The following PKHD1 variants were observed in gnomAD, a reference collection of about 807,000 sequenced individuals.
The protein encoded by PKHD1 is PKHD1 ciliary IPT domain containing fibrocystin/polyductin, also known as fibrocystin.
In PKHD1, 291 loss-of-function variants were observed where a neutral mutation model predicts 412.0. The observed-to-expected ratio is 0.71, with a 90% CI of 0.64 to 0.78. The LOEUF (loss-of-function observed/expected upper bound fraction) is 0.78, where lower values mean the gene tolerates loss of function less well. Among genes scored for constraint, PKHD1 ranks in the 30% least tolerant of loss-of-function variants. The pLI is 0.00. For synonymous variants in PKHD1, 1,777 were observed against 1,821.5 expected (o/e 0.98, Z 0.62); for missense variants, 4,825 against 4,950.7 (o/e 0.97, Z 0.76).
At chr6:51,772,554 A>T (rs1790325802) in intron 55 of PKHD1, 148 bp downstream of exon 55, 2 of 514,076 alleles carry the variant, frequency 3.9e-6, no homozygotes, top group Non-Finnish European at 6.9e-6. Flanking sequence ...TATTTTTTAA[A>T]TTCCCTATAA....
At position 51,825,095 on chromosome 6, in the gene PKHD1, C is replaced by T. The variant is rs1767098355; in HGVS notation, c.8302+5766G>A. On this transcript the variant is annotated intron_variant, in intron 52 of 66. Transcript: ENST00000371117. Reference sequence around the variant, plus strand: ...GTCTGTCCAGACAGGGAAGACAGCACAAATTTAGCAGGCTCTAAAGCACTT... The same window carrying T: ...GTCTGTCCAGACAGGGAAGACAGCATAAATTTAGCAGGCTCTAAAGCACTT... Among the ~76,000 whole-genome samples, 3 of 152,326 alleles carry T rather than the reference C, an allele frequency of 2.0e-5. No individual in the cohort carries two copies. The South Asian group carries it at 6.2e-4, about 32-fold the overall frequency.
chr6:51,790,186 G>A (rs1793520875), intron 53 of PKHD1, among the ~76,000 whole-genome samples: 2 of 152,072 alleles, frequency 1.3e-5, no homozygotes. Flanking sequence ...AATAAGATAT[G>A]ATTTTTTTCT....
At chr6:51,977,859 A>G (rs1794658933) in intron 35 of PKHD1, among the ~76,000 whole-genome samples, 1 of 152,150 alleles carries the variant, frequency 6.6e-6, no homozygotes, top group African/African-American at 2.4e-5. Flanking sequence ...GCTACATGTC[A>G]CCTCTGGAGA....
intron 20 of PKHD1, 56 bp from the exon 21 acceptor site, chr6:52,053,307 C>T (rs575483083): frequency 1.3e-5 from 21 of 1,568,248 alleles, no homozygotes; most frequent in African/African-American, 1.1e-4. Flanking sequence ...CAGTCCTCTC[C>T]GGTTAGAGCC....
At chr6:51,961,758 G>A (rs1792078735) in intron 35 of PKHD1, among the ~76,000 whole-genome samples, 1 of 152,094 alleles carries the variant, frequency 6.6e-6, no homozygotes, top group Non-Finnish European at 1.5e-5. Context: ...TATCTGTAGT[G>A]TCAGCTGCGA....
At chr6:51,825,663 G>A (rs548248787) in intron 52 of PKHD1, among the ~76,000 whole-genome samples, 23 of 151,994 alleles carry the variant, frequency 1.5e-4, no homozygotes, top group African/African-American at 5.1e-4. Context: ...AGAACACCTC[G>A]GCCTCGCCTT....
rs187520781 is a variant in PKHD1, at chr6:52,027,086, C to G, written c.3628+743G>C. 1.5e-4 allele frequency among the ~76,000 whole-genome samples: 23 copies of G among 152,312 alleles called. No individual in the cohort carries two copies. The East Asian group carries it at 4.2e-3, about 28-fold the overall frequency. ...ATTTCTGAGTCTTTCATCTGTCTCT[C>G]TCATGGAAAGTGAAGACCCGCAGAT... On this transcript the variant is annotated intron_variant, in intron 31 of 66. Coordinates refer to ENST00000371117, the MANE Select transcript of PKHD1 (RefSeq NM_138694.4).
intron 36 of PKHD1, among the ~76,000 whole-genome samples, chr6:51,951,089 CAG>C (rs1393551405): frequency 2.0e-5 from 3 of 152,176 alleles, no homozygotes; most frequent in Admixed American, 6.5e-5. Context: ...GCAAACTACA[CAG>C]AAATATTTAA....
chr6:51,728,044 A>G (rs1473079483), intron 60 of PKHD1, among the ~76,000 whole-genome samples: 2 of 152,186 alleles, frequency 1.3e-5, no homozygotes, highest in East Asian at 3.9e-4. Flanking sequence ...CAATACTCCC[A>G]TGCCTTATGC....
At chr6:51,620,669 T>C (rs1333040812) in intron 66 of PKHD1, among the ~76,000 whole-genome samples, 3 of 151,730 alleles carry the variant, frequency 2.0e-5, no homozygotes, top group Admixed American at 2.0e-4. Context: ...TAGGAGATAG[T>C]AATCCTGTCT....
intron 22 of PKHD1, 106 bp downstream of exon 22, chr6:52,050,051 A>T (rs1806536098): frequency 1.9e-6 from 2 of 1,053,358 alleles, no homozygotes; most frequent in Admixed American, 3.8e-5. Flanking sequence ...ACATTGCTTT[A>T]AGCAACAAGA....
chr6:52,069,757 T>C (rs986221834), intron 10 of PKHD1, among the ~76,000 whole-genome samples: 1 of 152,178 alleles, frequency 6.6e-6, no homozygotes, highest in African/African-American at 2.4e-5. Context: ...ATGTCCCAAA[T>C]GTTCAATGAA....
chr6:51,775,989 A>G lies in PKHD1; in HGVS notation c.8441-68T>C, dbSNP rs7775050. ...TAAAAGAAAGAGAGGGAGAAATTGC[A>G]GTATAATTTCAATAATGCAATGTAG... On this transcript the variant is annotated intron_variant, in intron 53 of 66. Coordinates refer to ENST00000371117, the MANE Select transcript of PKHD1 (RefSeq NM_138694.4). 106,988 of 798,362 alleles carry G rather than the reference A, an allele frequency of 0.13. 9,131 individuals carry two copies. Among genetic ancestry groups the G allele is most frequent in the African/African-American group, 0.34 (20,284 of 59,078 alleles). The allele number at this position is 798,362 out of a possible 1,614,324, so 49.5% of individuals were successfully genotyped here.
intron 49 of PKHD1, 74 bp from the exon 50 acceptor site, chr6:51,848,044 A>T: frequency 2.0e-6 from 2 of 988,674 alleles, no homozygotes; most frequent in East Asian, 2.4e-5. Flanking sequence ...CCACCACACC[A>T]CCCTGCCAAA....
Position 51,724,933 on chromosome 6 carries a change from C to T in PKHD1, c.10156+19452G>A, listed in dbSNP as rs183272070. ...TAGATAGCAAAAAATTTTAATCATG[C>T]AGTGAAGGAAGTTAGGACAACCCCT... On this transcript the variant is annotated intron_variant, in intron 60 of 66. Coordinates refer to ENST00000371117, the MANE Select transcript of PKHD1 (RefSeq NM_138694.4). 7.9e-5 allele frequency among the ~76,000 whole-genome samples: 12 copies of T among 152,152 alleles called. No individual in the cohort carries two copies. In the East Asian group the frequency reaches 2.3e-3, roughly 29 times the overall value.
intron 21 of PKHD1, among the ~76,000 whole-genome samples, chr6:52,052,067 G>A (rs149275482): frequency 2.0e-4 from 31 of 152,246 alleles, no homozygotes; most frequent in African/African-American, 7.2e-4. Flanking sequence ...AAGTTCCCCT[G>A]CCTTCAGTAC....
intron 60 of PKHD1, chr6:51,722,135 C>T: frequency 1.9e-6 from 3 of 1,553,454 alleles, no homozygotes; most frequent in Non-Finnish European, 2.6e-6. Context: ...AAATACCCCA[C>T]ACCTTGTAAT....
chr6:51,728,530 C>T (rs1338653014), intron 60 of PKHD1, among the ~76,000 whole-genome samples: 4 of 152,170 alleles, frequency 2.6e-5, no homozygotes, highest in African/African-American at 7.2e-5. Context: ...AGTGAGCAGC[C>T]GGACTCTTTG....
chr6:51,912,726 A>AT, intron 37 of PKHD1, 150 bp from the exon 38 acceptor site: 2 of 654,696 alleles, frequency 3.1e-6, no homozygotes, highest in South Asian at 1.8e-5. Flanking sequence ...GTAAGCACTA[A>AT]TTTTTTTATA....
Sources: allele counts gnomAD v4.1 joint callset (sites outside exome capture counted in the v4.1 genomes callset), GRCh38; gene constraint gnomAD v4.1.1; transcripts MANE v1.5; gene names NCBI Gene and HGNC (gene_info 2026-07-23, HGNC 2026-07-21).